Variants in PPP2R2C observed in about 807,000 individuals in gnomAD.
PPP2R2C encodes protein phosphatase 2 regulatory subunit Bgamma.
A neutral mutation model predicts 45.3 loss-of-function variants in PPP2R2C; 10 were observed. That is an observed-to-expected ratio of 0.22 (90% confidence interval 0.14 to 0.37). The LOEUF is 0.37. Among genes scored for constraint, PPP2R2C ranks in the 10% least tolerant of loss-of-function variants. The pLI is 1.00. For missense variants in PPP2R2C, 308 were observed against 619.7 expected (o/e 0.50, Z 5.34); for synonymous variants, 257 against 245.4 (o/e 1.05, Z -0.44).
intron 6 of PPP2R2C, among the ~76,000 whole-genome samples, chr4:6,339,141 A>G (rs28575591): frequency 0.024 from 3,593 of 152,326 alleles, 144 homozygotes; most frequent in African/African-American, 0.083. Flanking sequence ...CATATTGTTC[A>G]CATGCTCTCT....
In PPP2R2C at chr4:6,330,435, G is replaced by A. The variant is rs1282437498; in HGVS notation, c.961-1082C>T. Among the ~76,000 whole-genome samples the A allele has an allele frequency of 6.6e-6, 1 of 152,152 alleles. No homozygotes were observed. Among genetic ancestry groups the A allele is most frequent in the East Asian group, 1.9e-4 (1 of 5,194 alleles). Reference sequence around the variant, plus strand: ...GTGTTTCTGTGAAGACATTTTGTAGGGGAGGTTAACATTTAAGCTGATATA... The same window carrying A: ...GTGTTTCTGTGAAGACATTTTGTAGAGGAGGTTAACATTTAAGCTGATATA... On this transcript the variant is annotated intron_variant, in intron 7 of 8. Transcript: ENST00000382599. This position sits in a 1 kb window ranked among gnomAD's most constrained non-coding sequence, Gnocchi z 7.0.
intron 5 of PPP2R2C, among the ~76,000 whole-genome samples, chr4:6,369,712 G>A (rs550720672): frequency 6.6e-6 from 1 of 152,288 alleles, no homozygotes; most frequent in African/African-American, 2.4e-5. Flanking sequence ...AGCCCAGGGA[G>A]CTTCCTACCG....
intron 5 of PPP2R2C, among the ~76,000 whole-genome samples, chr4:6,365,850 G>A (rs762602675): frequency 4.6e-5 from 7 of 152,128 alleles, no homozygotes; most frequent in South Asian, 2.1e-4. Flanking sequence ...AAAATCAATC[G>A]AACCGTCTTT....
intron 1 of PPP2R2C, among the ~76,000 whole-genome samples, chr4:6,465,240 G>A (rs1240218432): frequency 1.3e-5 from 2 of 152,144 alleles, no homozygotes; most frequent in South Asian, 2.1e-4. Context: ...TGCGGGGAGA[G>A]GTAGGTCTAA....
At chr4:6,490,120 G>A (rs1722651067) in intron 2 of PPP2R2C, among the ~76,000 whole-genome samples, 1 of 152,160 alleles carries the variant, frequency 6.6e-6, no homozygotes. Context: ...CCCACCAGCT[G>A]GTTCAGCCCT....
rs191647916 is a variant in PPP2R2C, at chr4:6,352,068, A to C, written c.626-4058T>G. On this transcript the variant is annotated intron_variant, in intron 5 of 8. Coordinates refer to ENST00000382599, the MANE Select transcript of PPP2R2C (RefSeq NM_020416.4). ...GAGCACGAGAATTATGCCCAAACTC[A>C]GCTACCGTGAACACAGCTTTCTGCC... 9.3e-4 allele frequency among the ~76,000 whole-genome samples: 141 copies of C among 152,266 alleles called. 1 individual carries two copies. In the Middle Eastern group the frequency reaches 0.01, roughly 11 times the overall value.
chr4:6,361,213 C>T (rs1010775121), intron 5 of PPP2R2C, among the ~76,000 whole-genome samples: 1 of 152,146 alleles, frequency 6.6e-6, no homozygotes, highest in South Asian at 2.1e-4. Flanking sequence ...TTGCTGGAAC[C>T]GTAGGAAAGG....
intron 2 of PPP2R2C, among the ~76,000 whole-genome samples, chr4:6,500,188 C>T (rs984232982): frequency 6.6e-6 from 1 of 152,166 alleles, no homozygotes; most frequent in Non-Finnish European, 1.5e-5. Context: ...ACTCTTGTTG[C>T]CCAGGCTGGA....
At chr4:6,358,165 C>T (rs1713388417) in intron 5 of PPP2R2C, among the ~76,000 whole-genome samples, 1 of 151,976 alleles carries the variant, frequency 6.6e-6, no homozygotes, top group South Asian at 2.1e-4. Flanking sequence ...AGAACAGAGG[C>T]CTCAGAAATA....
chr4:6,392,676 G>A (rs1469731932), intron 1 of PPP2R2C, among the ~76,000 whole-genome samples: 1 of 152,220 alleles, frequency 6.6e-6, no homozygotes, highest in Non-Finnish European at 1.5e-5. Context: ...GGTGGGCTGG[G>A]CCGGGGTCCT....
chr4:6,433,160 G>A (rs932702511), intron 1 of PPP2R2C, among the ~76,000 whole-genome samples: 1 of 152,142 alleles, frequency 6.6e-6, no homozygotes, highest in Non-Finnish European at 1.5e-5. Context: ...GTCAAAAGTT[G>A]TATGTGGGTT....
In PPP2R2C at chr4:6,381,529, C is replaced by T. The variant is rs185169156; in HGVS notation, c.71-435G>A. 378 of 1,394,164 alleles carry T rather than the reference C, an allele frequency of 2.7e-4. 1 individual carries two copies. The African/African-American group carries it at 5.0e-3, about 19-fold the overall frequency. The allele number at this position is 1,394,164 out of a possible 1,614,324, so 86.4% of individuals were successfully genotyped here. ...CCTTCCCAATATCTCCATAGATAAG[C>T]GCAAGGCAACCCTCTGCTAGGGGCC... On this transcript the variant is annotated intron_variant, in intron 1 of 8. Transcript: ENST00000382599.
intron 1 of PPP2R2C, among the ~76,000 whole-genome samples, chr4:6,424,757 G>A (rs1719193327): frequency 1.3e-5 from 2 of 152,130 alleles, no homozygotes. Context: ...AGGGGTGGGG[G>A]CAAATCACCC....
chr4:6,527,616 C>T (rs950261922), intron 2 of PPP2R2C, among the ~76,000 whole-genome samples: 1 of 151,822 alleles, frequency 6.6e-6, no homozygotes, highest in African/African-American at 2.4e-5. Flanking sequence ...CAGGCACCAC[C>T]CCAGCTTCCT....
chr4:6,394,133 T>C (rs562464918), intron 1 of PPP2R2C, among the ~76,000 whole-genome samples: 2 of 152,308 alleles, frequency 1.3e-5, no homozygotes, highest in Non-Finnish European at 2.9e-5. Flanking sequence ...AGGACCAGAA[T>C]TGCTGGGGCC....
At chr4:6,510,578 A>G (rs913009408) in intron 2 of PPP2R2C, among the ~76,000 whole-genome samples, 1 of 152,312 alleles carries the variant, frequency 6.6e-6, no homozygotes, top group Admixed American at 6.5e-5. Flanking sequence ...ACAGGCACAC[A>G]CATGCACATA....
In PPP2R2C at chr4:6,450,743, C is replaced by T. The variant is rs1048943762; in HGVS notation, c.70+21417G>A. Among the ~76,000 whole-genome samples the T allele has an allele frequency of 3.3e-5, 5 of 152,182 alleles. 1 individual carries two copies. Among genetic ancestry groups the T allele is most frequent in the African/African-American group, 1.2e-4 (5 of 41,460 alleles). Reference sequence around the variant, plus strand: ...CTACCCATTCCTGAGAGGTGAAACCCCCATTTCAGTTTCCTTCTCTGCCAA... The same window carrying T: ...CTACCCATTCCTGAGAGGTGAAACCTCCATTTCAGTTTCCTTCTCTGCCAA... On this transcript the variant is annotated intron_variant, in intron 1 of 8. Coordinates refer to ENST00000382599, the MANE Select transcript of PPP2R2C (RefSeq NM_020416.4).
intron 1 of PPP2R2C, among the ~76,000 whole-genome samples, chr4:6,450,543 T>C (rs1330914376): frequency 6.6e-6 from 1 of 152,010 alleles, no homozygotes; most frequent in Non-Finnish European, 1.5e-5. Context: ...CATCAAGGCA[T>C]CCAAGTGAAT....
intron 2 of PPP2R2C, among the ~76,000 whole-genome samples, chr4:6,517,834 A>T (rs1723872522): frequency 6.6e-6 from 1 of 152,122 alleles, no homozygotes; most frequent in Non-Finnish European, 1.5e-5. Flanking sequence ...CCTACCTACA[A>T]ACTCTCCAGG....
Sources: gnomAD v4.1 joint callset for allele counts (sites outside exome capture counted in the v4.1 genomes callset) on GRCh38, gnomAD v4.1.1 for gene constraint, Gnocchi (gnomAD v3.1) non-coding constraint, MANE v1.5 for transcripts, NCBI Gene and HGNC (gene_info 2026-07-23, HGNC 2026-07-21) for gene names.